The following ZC3H14 variants were observed in gnomAD, a reference collection of about 807,000 sequenced individuals.
ZC3H14 encodes zinc finger CCCH domain-containing protein 14.
Under a neutral mutation model 92.4 loss-of-function variants are expected in ZC3H14, and 31 were observed. That is an observed-to-expected ratio of 0.34 (90% confidence interval 0.25 to 0.45). ZC3H14 has a LOEUF of 0.45. Among genes scored for constraint, ZC3H14 ranks in the 20% least tolerant of loss-of-function variants. ZC3H14 has a pLI of 1.00. For missense variants in ZC3H14, 781 were observed against 897.3 expected, an observed-to-expected ratio of 0.87 and a Z score of 1.66; for synonymous variants, 321 against 300.9, an observed-to-expected ratio of 1.07 and a Z score of -0.69.
Position 88,626,876 on chromosome 14 carries a change from C to T in ZC3H14, c.*15125C>T. ...ATAGCGAGCATGGTCTGCATCCGGGCATCTTCCAGTGTGCTCAGTAGCCCT... is the reference window on the plus strand; with the variant it reads ...ATAGCGAGCATGGTCTGCATCCGGGTATCTTCCAGTGTGCTCAGTAGCCCT... On this transcript the variant is annotated 3_prime_UTR_variant, in exon 17 of 17. Transcript: ENST00000251038. 1 of 1,613,954 alleles carries T rather than the reference C, an allele frequency of 6.2e-7. No homozygotes were observed. The highest frequency in any genetic ancestry group is 8.5e-7 in the Non-Finnish European group (1 of 1,179,852).
In ZC3H14 at chr14:88,621,290, A is replaced by G. The variant is rs765499030; in HGVS notation, c.*9539A>G. 3 of 1,613,902 alleles carry G rather than the reference A, an allele frequency of 1.9e-6. No individual in the cohort carries two copies. The highest frequency in any genetic ancestry group is 2.5e-6 in the Non-Finnish European group (3 of 1,179,868). The stretch of plus-strand genomic sequence containing the variant: ...TTATTTCAGCATTCCTTGTCCCAAC[A>G]AGGATCTTGCCCTGAAACACAAGCA... On this transcript the variant is annotated 3_prime_UTR_variant, in exon 17 of 17. Coordinates refer to ENST00000251038, the MANE Select transcript of ZC3H14 (RefSeq NM_024824.5).
At position 88,575,929 on chromosome 14, in the gene ZC3H14, ACTACT is replaced by A. The variant is rs1240199197; in HGVS notation, c.1117_1121del (p.Thr374SerfsTer29). The A allele has an allele frequency of 2.5e-6, 4 of 1,608,482 alleles. No homozygotes were observed. Among genetic ancestry groups the A allele is most frequent in the East Asian group, 2.2e-5 (1 of 44,796 alleles). The stretch of plus-strand genomic sequence containing the variant: ...CAAGAATCCGTAACAAAAACAACTA[ACTACT>A]CTACAGGTAATTTAAATGTATTATG... On this transcript the variant is annotated frameshift_variant, in exon 8 of 17. Coordinates refer to ENST00000251038, the MANE Select transcript of ZC3H14 (RefSeq NM_024824.5). LOFTEE classifies it high-confidence loss of function.
At position 88,616,491 on chromosome 14, in the gene ZC3H14, T is replaced by A. The variant is rs536728860; in HGVS notation, c.*4740T>A. The A allele has an allele frequency of 1.7e-6, 1 of 604,528 alleles. No individual in the cohort carries two copies. Among genetic ancestry groups the A allele is most frequent in the African/African-American group, 1.8e-5 (1 of 54,216 alleles). The allele number at this position is 604,528 out of a possible 1,614,324, so 37.4% of individuals were successfully genotyped here. A position where few individuals can be genotyped will look rare whatever the true frequency, so the allele number is the denominator to read the frequency against. ...AAGCATTTGAAATTTGATAACTGAT[T>A]ATAGGTTTGGTGAAAAGCTAATTAC... On this transcript the variant is annotated 3_prime_UTR_variant, in exon 17 of 17. Coordinates refer to ENST00000251038, the MANE Select transcript of ZC3H14 (RefSeq NM_024824.5).
At chr14:88,573,415 C>G (rs1353628652) in intron 6 of ZC3H14, among the ~76,000 whole-genome samples, 1 of 152,056 alleles carries the variant, frequency 6.6e-6, no homozygotes, top group Non-Finnish European at 1.5e-5. Flanking sequence ...AAAAAAAACA[C>G]ATATTCCAAA....
At chr14:88,586,710 T>G (rs2082513095) in intron 9 of ZC3H14, 1 of 152,170 alleles carries the variant, frequency 6.6e-6, no homozygotes, top group South Asian at 2.1e-4. Context: ...ATCCCATATA[T>G]TTGAAATAAA....
chr14:88,573,031 G>A, intron 6 of ZC3H14, 24 bp downstream of exon 6: 1 of 1,612,456 alleles, frequency 6.2e-7, no homozygotes, highest in Non-Finnish European at 8.5e-7. Context: ...TTTAAATTCT[G>A]GCTTAGGCTA....
intron 6 of ZC3H14, 177 bp from the exon 7 acceptor site, chr14:88,574,516 T>G: frequency 1.4e-6 from 1 of 739,948 alleles, no homozygotes; most frequent in Non-Finnish European, 2.2e-6. Flanking sequence ...GTGCTAGGAT[T>G]ACAGATGTGA....
intron 12 of ZC3H14, among the ~76,000 whole-genome samples, chr14:88,603,880 G>T (rs1198689426): frequency 6.6e-6 from 1 of 152,154 alleles, no homozygotes; most frequent in Non-Finnish European, 1.5e-5. Flanking sequence ...AAATAGAATA[G>T]ACTTCAGAGG....
At position 88,621,038 on chromosome 14, in the gene ZC3H14, G is replaced by A. The variant is rs2088822242; in HGVS notation, c.*9287G>A. ...CAACAGAATTCTGGCAGTTCTTTAA[G>A]TACTAGCAATTTAGAACTTCCAACT... On this transcript the variant is annotated 3_prime_UTR_variant, in exon 17 of 17. Transcript: ENST00000251038. 3.3e-6 allele frequency: 5 copies of A among 1,500,098 alleles called. No individual in the cohort carries two copies. The highest frequency in any genetic ancestry group is 4.4e-6 in the Non-Finnish European group (5 of 1,124,782). 92.9% of individuals were successfully genotyped at this position (1,500,098 alleles called of 1,614,324 possible). A position where few individuals can be genotyped will look rare whatever the true frequency, so the allele number is the denominator to read the frequency against.
intron 6 of ZC3H14, chr14:88,574,481 G>A (rs2080903460): frequency 1.9e-6 from 1 of 520,832 alleles, no homozygotes; most frequent in Admixed American, 3.2e-5. Context: ...CTGACCTTGT[G>A]ATCCGCCCAC....
chr14:88,617,178 G>C lies in ZC3H14; in HGVS notation c.*5427G>C, dbSNP rs188968681. 4.5e-4 allele frequency: 83 copies of C among 185,030 alleles called. 1 individual carries two copies. In the East Asian group the frequency reaches 9.4e-3, roughly 21 times the overall value. 11.5% of individuals were successfully genotyped at this position (185,030 alleles called of 1,614,324 possible). A position where few individuals can be genotyped will look rare whatever the true frequency, so the allele number is the denominator to read the frequency against. On this transcript the variant is annotated 3_prime_UTR_variant, in exon 17 of 17. Transcript: ENST00000251038. ...TTTTTTTTTTTGAGACGGAGTTTTC[G>C]CTCTTGTTACCCAGGCTGGAGTGCA... is the stretch of plus-strand genomic sequence containing the variant.
In ZC3H14 at chr14:88,627,363, A is replaced by C. The variant is rs2090072768; in HGVS notation, c.*15612A>C. ...TCATAAGAATCTCCAAAACCAATCAAATCATTAATAATAAATACATAGTTT... is the reference window on the plus strand; with the variant it reads ...TCATAAGAATCTCCAAAACCAATCACATCATTAATAATAAATACATAGTTT... On this transcript the variant is annotated 3_prime_UTR_variant, in exon 17 of 17. Coordinates refer to ENST00000251038, the MANE Select transcript of ZC3H14 (RefSeq NM_024824.5). The C allele has an allele frequency of 2.2e-6, 1 of 452,782 alleles. No homozygotes were observed. Among genetic ancestry groups the C allele is most frequent in the Non-Finnish European group, 3.9e-6 (1 of 257,470 alleles). The allele number at this position is 452,782 out of a possible 1,614,324, so 28.0% of individuals were successfully genotyped here. A position where few individuals can be genotyped will look rare whatever the true frequency, so the allele number is the denominator to read the frequency against.
chr14:88,626,791 AATG>A lies in ZC3H14; in HGVS notation c.*15041_*15043del, dbSNP rs774275358. The A allele has an allele frequency of 6.3e-7, 1 of 1,587,382 alleles. No individual in the cohort carries two copies. The highest frequency in any genetic ancestry group is 8.6e-7 in the Non-Finnish European group (1 of 1,160,994). On this transcript the variant is annotated 3_prime_UTR_variant, in exon 17 of 17. Transcript: ENST00000251038. ...TGTGGCTGATGATCTAAGGCAAGAG[AATG>A]TAAAGTAGTCAAAGTCACACTATGT...
At chr14:88,567,149 T>G (rs1248981941) in intron 2 of ZC3H14, among the ~76,000 whole-genome samples, 1 of 146,806 alleles carries the variant, frequency 6.8e-6, no homozygotes, top group Non-Finnish European at 1.5e-5. Flanking sequence ...AGAGTCTTGC[T>G]CTGTTGCCCA....
At chr14:88,606,406 G>A (rs1380639751) in intron 12 of ZC3H14, among the ~76,000 whole-genome samples, 1 of 152,196 alleles carries the variant, frequency 6.6e-6, no homozygotes, top group Non-Finnish European at 1.5e-5. Context: ...CTTGCTGTTA[G>A]GGGAACTGCC....
At position 88,627,205 on chromosome 14, in the gene ZC3H14, T is replaced by G. The variant is rs1055895334; in HGVS notation, c.*15454T>G. ...CTAGCAATACATGATTTACAATTAT[T>G]TGTGTATTGAGTCCTTTTCACTTAT... On this transcript the variant is annotated 3_prime_UTR_variant, in exon 17 of 17. Coordinates refer to ENST00000251038, the MANE Select transcript of ZC3H14 (RefSeq NM_024824.5). 21 of 664,368 alleles carry G rather than the reference T, an allele frequency of 3.2e-5. No homozygotes were observed. Among genetic ancestry groups the G allele is most frequent in the Non-Finnish European group, 5.1e-5 (20 of 391,648 alleles). 41.2% of individuals were successfully genotyped at this position (664,368 alleles called of 1,614,324 possible).
chr14:88,572,887 T>A lies in ZC3H14; in HGVS notation c.741T>A (p.Leu247=), dbSNP rs765903015. 4.3e-6 allele frequency: 7 copies of A among 1,614,144 alleles called. No individual in the cohort carries two copies. The Admixed American group carries it at 1.2e-4, about 27-fold the overall frequency. The change falls in exon 6 of 17, where the codon CTT becomes CTA. Residue 247 remains leucine (L), a synonymous_variant. Transcript: ENST00000251038. Reference sequence around the variant, plus strand: ...ATAGTATTCATGCTGCCAAGCAGCTTGATATGCAGAGTAGTTGGGTATATG... The same window carrying A: ...ATAGTATTCATGCTGCCAAGCAGCTAGATATGCAGAGTAGTTGGGTATATG... The part of the protein sequence containing the change: ...QQNSIHAAKQ[L]DMQSSWVYET...
chr14:88,601,992 T>G lies in ZC3H14; in HGVS notation c.1423T>G (p.Ser475Ala). 6.2e-7 allele frequency: 1 copy of G among 1,614,158 alleles called. No individual in the cohort carries two copies. The highest frequency in any genetic ancestry group is 8.5e-7 in the Non-Finnish European group (1 of 1,180,014). The change falls in exon 11 of 17, where the codon TCT becomes GCT. Residue 475 changes from serine (S) to alanine (A), a missense_variant. Transcript: ENST00000251038. ...RSFILKKPKL[S>A]EEVVVAPNQE... The stretch of plus-strand genomic sequence containing the variant: ...ATTTATTCTGAAGAAGCCAAAGCTG[T>G]CTGAGGAAGTAGTAGTGGCACCAAA...
At chr14:88,606,411 A>G (rs1446834497) in intron 12 of ZC3H14, among the ~76,000 whole-genome samples, 1 of 152,174 alleles carries the variant, frequency 6.6e-6, no homozygotes, top group Non-Finnish European at 1.5e-5. Flanking sequence ...TGTTAGGGGA[A>G]CTGCCCAGTC....
Sources: allele counts gnomAD v4.1 joint callset (sites outside exome capture counted in the v4.1 genomes callset), GRCh38; gene constraint gnomAD v4.1.1; transcripts MANE v1.5; gene names NCBI Gene and HGNC (gene_info 2026-07-23, HGNC 2026-07-21).